The following TINAG variants were observed in gnomAD, a reference collection of about 807,000 sequenced individuals.
TINAG encodes tubulointerstitial nephritis antigen.
A neutral mutation model predicts 72.7 loss-of-function variants in TINAG; 83 were observed. That is an observed-to-expected ratio of 1.14 (90% CI 0.96 to 1.37). TINAG has a LOEUF of 1.37. TINAG is among the 40% of genes most tolerant of loss of function. The pLI is 0.00. For missense variants in TINAG, 685 were observed against 576.6 expected, an observed-to-expected ratio of 1.19 and a Z score of -1.93; for synonymous variants, 234 against 189.9, an observed-to-expected ratio of 1.23 and a Z score of -1.91.
intron 4 of TINAG, among the ~76,000 whole-genome samples, chr6:54,327,555 G>A (rs1042985796): frequency 7.3e-5 from 11 of 151,698 alleles, no homozygotes; most frequent in South Asian, 4.1e-4. Flanking sequence ...CTAGCTGCAG[G>A]AGTTTTTTTT....
At chr6:54,342,007 G>A (rs537019973) in intron 4 of TINAG, among the ~76,000 whole-genome samples, 2 of 152,140 alleles carry the variant, frequency 1.3e-5, no homozygotes, top group East Asian at 3.9e-4. Flanking sequence ...AAAATAATGA[G>A]TATTAAGACA....
intron 9 of TINAG, among the ~76,000 whole-genome samples, chr6:54,371,911 CT>C (rs1245626629): frequency 1.4e-5 from 2 of 147,416 alleles, no homozygotes; most frequent in African/African-American, 5.0e-5. Flanking sequence ...TTATAGAGAT[CT>C]GGGAGCAATG....
upstream of TINAG, chr6:54,308,234 A>T (rs942014170): frequency 7.6e-6 from 7 of 926,932 alleles, no homozygotes; most frequent in Admixed American, 1.5e-4. Flanking sequence ...GAGGCATGCA[A>T]TAGTCAATGT....
rs70983415 is a variant in TINAG at position 54,360,841 on chromosome 6, G to GTTTTTTTTT, written c.1250+6228_1250+6236dup. ...GTTTCTTGTGTTTCACAGATACTGTGTTTTTTTTTTTTTTTTTTTTTTTTT... is the reference window on the plus strand; with the variant it reads ...GTTTCTTGTGTTTCACAGATACTGTGTTTTTTTTTTTTTTTTTTTTTTTTTTTTTTTTTT... On this transcript the variant is annotated intron_variant, in intron 9 of 10. Coordinates refer to ENST00000259782, the MANE Select transcript of TINAG (RefSeq NM_014464.4). Among the ~76,000 whole-genome samples the GTTTTTTTTT allele has an allele frequency of 1.9e-3, 49 of 26,250 alleles. 11 individuals are homozygous for GTTTTTTTTT. Among genetic ancestry groups the GTTTTTTTTT allele is most frequent in the South Asian group, 4.6e-3 (2 of 434 alleles). The allele number at this position is 26,250 out of a possible 152,430, so 17.2% of individuals were successfully genotyped here.
chr6:54,320,730 C>T, intron 2 of TINAG, 88 bp downstream of exon 2: 1 of 986,958 alleles, frequency 1.0e-6, no homozygotes, highest in Non-Finnish European at 1.5e-6. Context: ...CCAAAGTATA[C>T]ATTTATGTAC....
chr6:54,315,369 A>G (rs550720206), intron 1 of TINAG, among the ~76,000 whole-genome samples: 1 of 152,224 alleles, frequency 6.6e-6, no homozygotes, highest in East Asian at 1.9e-4. Flanking sequence ...AACTTCCAGT[A>G]AAGGATTTCA....
At chr6:54,367,398 G>A (rs1472029968) in intron 9 of TINAG, among the ~76,000 whole-genome samples, 1 of 151,724 alleles carries the variant, frequency 6.6e-6, no homozygotes, top group African/African-American at 2.4e-5. Flanking sequence ...ATGAGCTCCG[G>A]GAAATACATA....
At chr6:54,355,666 T>C (rs1219777402) in intron 9 of TINAG, among the ~76,000 whole-genome samples, 1 of 151,746 alleles carries the variant, frequency 6.6e-6, no homozygotes, top group Admixed American at 6.6e-5. Flanking sequence ...AGAATGTGAT[T>C]TTCATGTTAA....
intron 5 of TINAG, among the ~76,000 whole-genome samples, chr6:54,345,929 T>G (rs1785111265): frequency 6.6e-6 from 1 of 151,772 alleles, no homozygotes. Context: ...CACTAACAAT[T>G]TTGATGAGAA....
chr6:54,350,362 A>G (rs548515097), intron 7 of TINAG, among the ~76,000 whole-genome samples: 1 of 152,078 alleles, frequency 6.6e-6, no homozygotes, highest in Non-Finnish European at 1.5e-5. Flanking sequence ...TCTTCATATC[A>G]GTGTTCCCCA....
At chr6:54,362,887 G>T (rs931137406) in intron 9 of TINAG, among the ~76,000 whole-genome samples, 1 of 151,586 alleles carries the variant, frequency 6.6e-6, no homozygotes, top group Non-Finnish European at 1.5e-5. Flanking sequence ...AACTGCAGAT[G>T]TGGTGGAAAT....
chr6:54,327,225 G>A, intron 4 of TINAG: 17 of 1,500,408 alleles, frequency 1.1e-5, no homozygotes, highest in Non-Finnish European at 1.5e-5. Flanking sequence ...GAAGGTGGAT[G>A]ATTTCTGCAT....
chr6:54,381,094 G>T (rs7767253), intron 10 of TINAG, among the ~76,000 whole-genome samples: 18,501 of 147,130 alleles, frequency 0.13, 2,230 homozygotes, highest in East Asian at 0.34. Flanking sequence ...GGATATAACC[G>T]ATAGGATATA....
intron 9 of TINAG, among the ~76,000 whole-genome samples, chr6:54,361,855 A>G (rs547348954): frequency 2.6e-5 from 4 of 151,860 alleles, no homozygotes; most frequent in Non-Finnish European, 5.9e-5. Flanking sequence ...GCTGAAATAG[A>G]AAAAGTTTTA....
At chr6:54,331,434 A>G (rs1367826518) in intron 4 of TINAG, among the ~76,000 whole-genome samples, 2 of 152,194 alleles carry the variant, frequency 1.3e-5, no homozygotes, top group Non-Finnish European at 2.9e-5. Context: ...CACTCAATAA[A>G]CTAGGTATTG....
chr6:54,369,507 T>C (rs938129728), intron 9 of TINAG, among the ~76,000 whole-genome samples: 3 of 151,888 alleles, frequency 2.0e-5, no homozygotes, highest in Non-Finnish European at 2.9e-5. Flanking sequence ...TCCAGGAGTT[T>C]TGAGCTAAAA....
chr6:54,334,774 A>AAT, intron 4 of TINAG, among the ~76,000 whole-genome samples: 1 of 152,284 alleles, frequency 6.6e-6, no homozygotes, highest in East Asian at 1.9e-4. Flanking sequence ...GTAGAATTCC[A>AAT]ATATAGCGTT....
At chr6:54,356,876 C>G (rs985030931) in intron 9 of TINAG, among the ~76,000 whole-genome samples, 1 of 150,982 alleles carries the variant, frequency 6.6e-6, no homozygotes, top group Non-Finnish European at 1.5e-5. Context: ...GTAATCATTT[C>G]TATTTCTACC....
intron 4 of TINAG, among the ~76,000 whole-genome samples, chr6:54,327,991 CA>C (rs1784648179): frequency 1.3e-5 from 2 of 152,122 alleles, no homozygotes; most frequent in East Asian, 1.9e-4. Context: ...ATAAAACTCC[CA>C]TCTCCCTGAG....
Sources: allele counts gnomAD v4.1 joint callset (sites outside exome capture counted in the v4.1 genomes callset), GRCh38; gene constraint gnomAD v4.1.1; transcripts MANE v1.5; gene names NCBI Gene and HGNC (gene_info 2026-07-23, HGNC 2026-07-21).